The following DYM variants were observed in gnomAD, a reference collection of about 807,000 sequenced individuals.
DYM encodes the protein dyggve-Melchior-Clausen syndrome protein.
DYM carries 78 observed loss-of-function variants against 93.1 expected under a neutral mutation model. That is an observed-to-expected ratio of 0.84 (90% confidence interval 0.70 to 1.01). The LOEUF is 1.01. DYM is among the 50% of genes least tolerant of loss of function. The pLI is 0.00. For missense variants in DYM, 789 were observed against 845.0 expected, an observed-to-expected ratio of 0.93 and a Z score of 0.82; for synonymous variants, 321 against 319.7, an observed-to-expected ratio of 1.00 and a Z score of -0.04.
At chr18:49,420,640 T>C (rs969927329) in intron 2 of DYM, among the ~76,000 whole-genome samples, 3 of 152,130 alleles carry the variant, frequency 2.0e-5, no homozygotes, top group South Asian at 2.1e-4. Flanking sequence ...AGGTACCTGG[T>C]TCATCTCACT....
intron 8 of DYM, 41 bp downstream of exon 8, chr18:49,331,823 T>A (rs369143271): frequency 5.6e-6 from 9 of 1,612,062 alleles, no homozygotes; most frequent in Non-Finnish European, 7.6e-6. Flanking sequence ...TAGATAAAAT[T>A]TATGTGCACC....
intron 14 of DYM, among the ~76,000 whole-genome samples, chr18:49,169,906 T>G (rs1893529): frequency 0.66 from 99,589 of 151,946 alleles, 33,158 homozygotes; most frequent in Non-Finnish European, 0.73. Flanking sequence ...GAGATGAGGA[T>G]GCCTTAAAGC....
intron 16 of DYM, among the ~76,000 whole-genome samples, chr18:49,108,027 G>T (rs1425222625): frequency 6.6e-6 from 1 of 152,236 alleles, no homozygotes; most frequent in African/African-American, 2.4e-5. Context: ...AGGCAGGCAG[G>T]CCTCCTTGAG....
intron 2 of DYM, among the ~76,000 whole-genome samples, chr18:49,416,149 T>G (rs938360193): frequency 1.3e-5 from 2 of 152,200 alleles, no homozygotes; most frequent in African/African-American, 2.4e-5. Context: ...TCCTAGGTCT[T>G]TGTAAACTAA....
At chr18:49,281,078 T>A (rs1416828383) in intron 10 of DYM, among the ~76,000 whole-genome samples, 3 of 152,140 alleles carry the variant, frequency 2.0e-5, no homozygotes. Context: ...ATATCCAGAA[T>A]CTGCAATGAA....
At chr18:49,184,413 A>T (rs1031682065) in intron 14 of DYM, among the ~76,000 whole-genome samples, 2 of 152,128 alleles carry the variant, frequency 1.3e-5, no homozygotes, top group African/African-American at 2.4e-5. Context: ...CAATTCCCTA[A>T]GGACTGGGTT....
At chr18:49,305,429 T>C (rs1326048117) in intron 8 of DYM, among the ~76,000 whole-genome samples, 1 of 152,214 alleles carries the variant, frequency 6.6e-6, no homozygotes, top group Non-Finnish European at 1.5e-5. Flanking sequence ...TTTAAACTTC[T>C]AACAACAATC....
intron 15 of DYM, among the ~76,000 whole-genome samples, chr18:49,142,809 A>G (rs1378456552): frequency 6.6e-6 from 1 of 152,242 alleles, no homozygotes; most frequent in African/African-American, 2.4e-5. Flanking sequence ...TCACCAACAC[A>G]GTAGCAACTT....
At chr18:49,174,776 T>C (rs760921508) in intron 14 of DYM, among the ~76,000 whole-genome samples, 48 of 152,136 alleles carry the variant, frequency 3.2e-4, no homozygotes, top group Non-Finnish European at 1.0e-4. Context: ...TGGTCACGCT[T>C]AGCTTCACAG....
intron 17 of DYM, among the ~76,000 whole-genome samples, chr18:49,080,814 A>G (rs1353970995): frequency 7.2e-6 from 1 of 139,680 alleles, no homozygotes; most frequent in Non-Finnish European, 1.5e-5. Flanking sequence ...GGGTCTCCTC[A>G]CTTCTCAGAC....
intron 8 of DYM, among the ~76,000 whole-genome samples, chr18:49,329,378 T>C (rs951071012): frequency 2.6e-5 from 4 of 152,018 alleles, no homozygotes; most frequent in African/African-American, 9.7e-5. Flanking sequence ...GGCACATATA[T>C]ACATATGTAA....
At chr18:49,155,348 C>T (rs928509895) in intron 15 of DYM, among the ~76,000 whole-genome samples, 3 of 152,158 alleles carry the variant, frequency 2.0e-5, no homozygotes, top group Non-Finnish European at 2.9e-5. Flanking sequence ...TTTTTCCCCC[C>T]GTGCTCAAAG....
chr18:49,212,164 GAAAGACTGAGGGACCATTCCAGATT>G (rs989791256), intron 13 of DYM, among the ~76,000 whole-genome samples: 7 of 143,292 alleles, frequency 4.9e-5, no homozygotes, highest in Non-Finnish European at 9.6e-5. Flanking sequence ...AAAAGACAAA[GAAAGACTGAGGGACCATTCCAGATT>G]AAAAAAGATG....
chr18:49,142,159 C>G (rs2084584080), intron 15 of DYM, among the ~76,000 whole-genome samples: 1 of 152,032 alleles, frequency 6.6e-6, no homozygotes, highest in South Asian at 2.1e-4. Flanking sequence ...CCGCGCCTGG[C>G]CAATATGTTT....
intron 3 of DYM, among the ~76,000 whole-genome samples, chr18:49,382,831 C>T (rs1308659419): frequency 2.0e-5 from 3 of 152,134 alleles, no homozygotes; most frequent in Non-Finnish European, 2.9e-5. Flanking sequence ...TGCCCCCATC[C>T]CTACAAGAAT....
At chr18:49,283,871 G>A (rs970312872) in intron 9 of DYM, among the ~76,000 whole-genome samples, 11 of 152,064 alleles carry the variant, frequency 7.2e-5, no homozygotes, top group African/African-American at 2.7e-4. Flanking sequence ...ATGCCTTCAG[G>A]TTTACTATCC....
At chr18:49,402,026 CAAA>C (rs61550965) in intron 2 of DYM, among the ~76,000 whole-genome samples, 6 of 104,648 alleles carry the variant, frequency 5.7e-5, no homozygotes, top group Admixed American at 1.0e-4. Context: ...AACTCTGTCT[CAAA>C]AAAAAAAAAA....
rs565818184 is a variant in DYM at position 49,329,914 on chromosome 18, G to A, written c.763+1950C>T. ...TTCTCAAGCCAATAGTAAAGTAAGA[G>A]AATTCTTTAACTACCAACCAAAAGA... On this transcript the variant is annotated intron_variant, in intron 8 of 17. Coordinates refer to ENST00000675505, the MANE Select transcript of DYM (RefSeq NM_001353214.3). Among the ~76,000 whole-genome samples the A allele has an allele frequency of 1.1e-4, 16 of 152,244 alleles. No individual in the cohort carries two copies. In the South Asian group the frequency reaches 3.3e-3, roughly 32 times the overall value.
In DYM at chr18:49,272,171, A is replaced by G. The variant is rs767653334; in HGVS notation, c.1251+7T>C. ...CTCTAACTCTAATCCAAGTAATGGT[A>G]ACTTACCACTTCATGAATGGATCTG... On this transcript the variant is annotated splice_region_variant and intron_variant, in intron 11 of 17. Coordinates refer to ENST00000675505, the MANE Select transcript of DYM (RefSeq NM_001353214.3). The G allele has an allele frequency of 3.0e-5, 49 of 1,611,816 alleles. No homozygotes were observed. The highest frequency in any genetic ancestry group is 4.2e-5 in the Non-Finnish European group (49 of 1,178,290).
Sources: gnomAD v4.1 joint callset for allele counts (sites outside exome capture counted in the v4.1 genomes callset) on GRCh38, gnomAD v4.1.1 for gene constraint, MANE v1.5 for transcripts, NCBI Gene and HGNC (gene_info 2026-07-23, HGNC 2026-07-21) for gene names.